MSI2: variants seen among roughly 807,000 people sequenced by gnomAD.
MSI2 encodes the protein RNA-binding protein Musashi homolog 2.
MSI2 carries 17 observed loss-of-function variants against 45.6 expected under a neutral mutation model. The ratio of observed to expected loss-of-function variants is 0.37; its 90% CI spans 0.26 to 0.56. The LOEUF is 0.56. Ranked by LOEUF, MSI2 falls within the 20% of genes least tolerant of loss-of-function variation. The pLI, the probability that MSI2 is intolerant of heterozygous loss-of-function variation, is 0.77. For missense variants in MSI2, 293 were observed against 444.2 expected (o/e 0.66, Z 3.06); for synonymous variants, 156 against 158.2 (o/e 0.99, Z 0.11).
intron 7 of MSI2, among the ~76,000 whole-genome samples, chr17:57,563,678 T>C (rs1396891292): frequency 6.7e-6 from 1 of 149,366 alleles, no homozygotes; most frequent in Non-Finnish European, 1.5e-5. Flanking sequence ...CCCATTTTAG[T>C]GGCTGACTGT....
At chr17:57,504,429 G>A (rs144691515) in intron 6 of MSI2, among the ~76,000 whole-genome samples, 3 of 152,310 alleles carry the variant, frequency 2.0e-5, no homozygotes, top group African/African-American at 7.2e-5. Context: ...GTGTGCGTCC[G>A]AGGGGACCTA....
chr17:57,276,357 C>T (rs996396700), intron 5 of MSI2, among the ~76,000 whole-genome samples: 3 of 152,190 alleles, frequency 2.0e-5, no homozygotes, highest in African/African-American at 7.2e-5. Context: ...TCCCGCCTGG[C>T]GTCTCTTCAT....
At chr17:57,330,437 G>A (rs555705428) in intron 5 of MSI2, among the ~76,000 whole-genome samples, 4 of 151,678 alleles carry the variant, frequency 2.6e-5, no homozygotes, top group South Asian at 2.1e-4. Flanking sequence ...GGTGCTTGCC[G>A]CCGGCTAATT....
chr17:57,460,521 C>T (rs2085206317), intron 6 of MSI2, among the ~76,000 whole-genome samples: 1 of 151,994 alleles, frequency 6.6e-6, no homozygotes. Flanking sequence ...TTGATGTACG[C>T]CACCATGAAA....
chr17:57,273,465 T>A (rs1370757518), intron 5 of MSI2, among the ~76,000 whole-genome samples: 1 of 112,588 alleles, frequency 8.9e-6, no homozygotes, highest in Admixed American at 8.2e-5. Flanking sequence ...TTAAAAATGA[T>A]TTTTTTTTTT....
chr17:57,551,591 T>G (rs2087306277), intron 7 of MSI2, among the ~76,000 whole-genome samples: 1 of 152,140 alleles, frequency 6.6e-6, no homozygotes, highest in Non-Finnish European at 1.5e-5. Flanking sequence ...GGGTCATGCA[T>G]GTACACACAC....
chr17:57,407,907 C>T lies in MSI2; in HGVS notation c.405+6436C>T, dbSNP rs1190042305. Among the ~76,000 whole-genome samples the T allele has an allele frequency of 2.0e-5, 3 of 152,228 alleles. No individual in the cohort carries two copies. The highest frequency in any genetic ancestry group is 7.2e-5 in the African/African-American group (3 of 41,456). On this transcript the variant is annotated intron_variant, in intron 6 of 13. Transcript: ENST00000284073. The surrounding 1 kb of genome is among the most constrained non-coding windows in gnomAD (Gnocchi z 4.1). ...TAAGGGGAGGGGACTTTATTTGCCCCCTGACCCCTGGCCAAGCTGCTCAGT... is the reference window on the plus strand; with the variant it reads ...TAAGGGGAGGGGACTTTATTTGCCCTCTGACCCCTGGCCAAGCTGCTCAGT...
chr17:57,393,596 G>A (rs952428834), intron 5 of MSI2, among the ~76,000 whole-genome samples: 5 of 152,182 alleles, frequency 3.3e-5, no homozygotes, highest in African/African-American at 1.2e-4. Context: ...AAGTTTTTGG[G>A]TGGACATAGG....
At chr17:57,538,164 C>A (rs1007753086) in intron 7 of MSI2, among the ~76,000 whole-genome samples, 9 of 151,952 alleles carry the variant, frequency 5.9e-5, no homozygotes, top group African/African-American at 2.2e-4. Context: ...GAGAAAGGAG[C>A]TTTTAGCATG....
intron 5 of MSI2, among the ~76,000 whole-genome samples, chr17:57,391,119 T>C (rs746813013): frequency 6.6e-6 from 1 of 152,220 alleles, no homozygotes; most frequent in Non-Finnish European, 1.5e-5. Context: ...TGTGTGTTCC[T>C]AAATCCTGCA....
rs1913560587 is a variant in MSI2 at position 57,680,940 on chromosome 17, T to C, written c.*1423T>C. The stretch of plus-strand genomic sequence containing the variant: ...TGGGCCAGGAGTGGATAAGCCTGCA[T>C]TAATACAACCTTTCTCCATTCACTT... On this transcript the variant is annotated 3_prime_UTR_variant, in exon 14 of 14. Transcript: ENST00000284073. 5.1e-6 allele frequency: 1 copy of C among 196,372 alleles called. No homozygotes were observed. Among genetic ancestry groups the C allele is most frequent in the Non-Finnish European group, 1.1e-5 (1 of 94,554 alleles). 12.2% of individuals were successfully genotyped at this position (196,372 alleles called of 1,614,324 possible).
intron 5 of MSI2, among the ~76,000 whole-genome samples, chr17:57,311,977 C>T (rs560796401): frequency 4.2e-4 from 64 of 152,150 alleles, no homozygotes; most frequent in Non-Finnish European, 8.5e-4. Flanking sequence ...GAATTACGGG[C>T]GTGAGCTATG....
intron 7 of MSI2, among the ~76,000 whole-genome samples, chr17:57,549,809 CAG>C (rs1192240383): frequency 6.6e-6 from 1 of 152,220 alleles, no homozygotes; most frequent in African/African-American, 2.4e-5. Context: ...CATTTGTACT[CAG>C]GGGCAAGGCA....
intron 11 of MSI2, among the ~76,000 whole-genome samples, chr17:57,657,332 A>C (rs1342031814): frequency 6.6e-6 from 1 of 152,106 alleles, no homozygotes; most frequent in Non-Finnish European, 1.5e-5. Context: ...GGTGCGGGTG[A>C]GGGAGGTACA....
Position 57,407,908 on chromosome 17 carries a change from C to T in MSI2, c.405+6437C>T, listed in dbSNP as rs910525379. ...AAGGGGAGGGGACTTTATTTGCCCC[C>T]TGACCCCTGGCCAAGCTGCTCAGTG... On this transcript the variant is annotated intron_variant, in intron 6 of 13. Coordinates refer to ENST00000284073, the MANE Select transcript of MSI2 (RefSeq NM_138962.4). This position sits in a 1 kb window ranked among gnomAD's most constrained non-coding sequence, Gnocchi z 4.1. Among the ~76,000 whole-genome samples, 5 of 152,052 alleles carry T rather than the reference C, an allele frequency of 3.3e-5. No individual in the cohort carries two copies. Among genetic ancestry groups the T allele is most frequent in the Non-Finnish European group, 7.4e-5 (5 of 67,934 alleles).
At chr17:57,331,161 G>A (rs776988806) in intron 5 of MSI2, among the ~76,000 whole-genome samples, 18 of 152,118 alleles carry the variant, frequency 1.2e-4, no homozygotes, top group African/African-American at 2.4e-4. Context: ...TGATCCACCC[G>A]CCTCGGCCTC....
intron 10 of MSI2, among the ~76,000 whole-genome samples, chr17:57,642,249 G>C (rs1314721946): frequency 2.6e-5 from 4 of 152,144 alleles, no homozygotes; most frequent in Non-Finnish European, 5.9e-5. Flanking sequence ...GAGACCTTTT[G>C]GGGGTAGGTC....
At position 57,390,073 on chromosome 17, in the gene MSI2, A is replaced by AC. The variant is rs2083759225; in HGVS notation, c.313-11304dup. Among the ~76,000 whole-genome samples, 3 of 49,726 alleles carry AC rather than the reference A, an allele frequency of 6.0e-5. No individual in the cohort carries two copies. The South Asian group carries it at 2.9e-3, about 47-fold the overall frequency. 32.6% of individuals were successfully genotyped at this position (49,726 alleles called of 152,430 possible). ...CGTAACATAGCCAGACCCTGTCTTTACCAAAAAAAAAAAAAAAGAAAGAAA... is the reference window on the plus strand; with the variant it reads ...CGTAACATAGCCAGACCCTGTCTTTACCCAAAAAAAAAAAAAAAGAAAGAAA... On this transcript the variant is annotated intron_variant, in intron 5 of 13. Coordinates refer to ENST00000284073, the MANE Select transcript of MSI2 (RefSeq NM_138962.4).
At position 57,327,658 on chromosome 17, in the gene MSI2, T is replaced by C. The variant is rs148662056; in HGVS notation, c.312+65466T>C. 3.5e-4 allele frequency among the ~76,000 whole-genome samples: 53 copies of C among 152,304 alleles called. No individual in the cohort carries two copies. The East Asian group carries it at 7.5e-3, about 22-fold the overall frequency. On this transcript the variant is annotated intron_variant, in intron 5 of 13. Transcript: ENST00000284073. Reference sequence around the variant, plus strand: ...TTCGGGTAGACAAAACAGGATTGATTGTGTCTCTTTCACCAGTTAGTGTGA... The same window carrying C: ...TTCGGGTAGACAAAACAGGATTGATCGTGTCTCTTTCACCAGTTAGTGTGA...
Sources: gnomAD v4.1 joint callset for allele counts (sites outside exome capture counted in the v4.1 genomes callset) on GRCh38, gnomAD v4.1.1 for gene constraint, Gnocchi (gnomAD v3.1) non-coding constraint, MANE v1.5 for transcripts, NCBI Gene and HGNC (gene_info 2026-07-23, HGNC 2026-07-21) for gene names.